ZC3H12B: variants seen among roughly 807,000 people sequenced by gnomAD.
The protein encoded by ZC3H12B is probable ribonuclease ZC3H12B.
ZC3H12B carries 7 observed loss-of-function variants against 43.9 expected under a neutral mutation model. The ratio of observed to expected loss-of-function variants is 0.16; its 90% confidence interval spans 0.09 to 0.30. ZC3H12B has a LOEUF of 0.30. Ranked by LOEUF, ZC3H12B falls within the 10% of genes least tolerant of loss-of-function variation. The pLI is 1.00. For missense variants in ZC3H12B, 475 were observed against 670.2 expected, an observed-to-expected ratio of 0.71 and a Z score of 3.22; for synonymous variants, 222 against 241.7, an observed-to-expected ratio of 0.92 and a Z score of 0.76.
intron 3 of ZC3H12B, among the ~76,000 whole-genome samples, chrX:65,467,663 C>T (rs1159576192): frequency 9.0e-6 from 1 of 111,644 alleles, no homozygotes; most frequent in Non-Finnish European, 1.9e-5. Flanking sequence ...TAAGGTGATA[C>T]CTTATTGTTA....
At chrX:65,326,078 C>T in the ZC3H12B span, among the ~76,000 whole-genome samples, 1 of 111,194 alleles carries the variant, frequency 9.0e-6, no homozygotes, top group Non-Finnish European at 1.9e-5. Flanking sequence ...AACATGAGAC[C>T]TGAAACTACA....
At chrX:65,383,052 C>T (rs937122666) in intron 2 of ZC3H12B, among the ~76,000 whole-genome samples, 4 of 111,168 alleles carry the variant, frequency 3.6e-5, no homozygotes, top group Non-Finnish European at 5.6e-5. Flanking sequence ...AGATTCAATG[C>T]CATCCCCATC....
intron 3 of ZC3H12B, among the ~76,000 whole-genome samples, chrX:65,448,993 G>GAAAGAAAGAAAGAA (rs1569412222): frequency 7.1e-4 from 22 of 30,793 alleles, no homozygotes; most frequent in East Asian, 2.0e-3. Flanking sequence ...AAGAAAGAAA[G>GAAAGAAAGAAAGAA]AGAGGAAAGA....
chrX:65,085,968 G>T, the ZC3H12B span, among the ~76,000 whole-genome samples: 1 of 109,260 alleles, frequency 9.2e-6, no homozygotes, highest in Non-Finnish European at 1.9e-5. Context: ...AAGTAACAAT[G>T]ATATCAGATA....
At chrX:65,182,224 G>T in the ZC3H12B span, among the ~76,000 whole-genome samples, 1 of 110,963 alleles carries the variant, frequency 9.0e-6, no homozygotes, top group South Asian at 3.8e-4. Flanking sequence ...GACACAGGGA[G>T]GGAAACATCA....
At chrX:65,300,970 TCAAA>T in the ZC3H12B span, among the ~76,000 whole-genome samples, 2 of 100,661 alleles carry the variant, frequency 2.0e-5, no homozygotes, top group Non-Finnish European at 4.1e-5. Flanking sequence ...TACAAGAAAC[TCAAA>T]CAAATCAGCA....
At chrX:65,138,238 C>G in the ZC3H12B span, among the ~76,000 whole-genome samples, 47 of 111,899 alleles carry the variant, frequency 4.2e-4, no homozygotes, top group Non-Finnish European at 8.1e-4. Context: ...TCTTCACTCC[C>G]TTTCCCCTCC....
chrX:65,184,347 G>A, the ZC3H12B span, among the ~76,000 whole-genome samples: 10 of 111,068 alleles, frequency 9.0e-5, no homozygotes, highest in Non-Finnish European at 1.7e-4. Flanking sequence ...ATTTTACAGA[G>A]TCCTTTTGAA....
the ZC3H12B span, among the ~76,000 whole-genome samples, chrX:65,114,025 A>ATATATATATATT: frequency 1.2e-5 from 1 of 80,114 alleles, no homozygotes; most frequent in Non-Finnish European, 2.4e-5. Flanking sequence ...ATATATATAT[A>ATATATATATATT]TTCATCTTTA....
chrX:65,493,811 C>T (rs972896786), intron 1 of ZC3H12B, among the ~76,000 whole-genome samples: 8 of 111,394 alleles, frequency 7.2e-5, no homozygotes, highest in Admixed American at 3.8e-4. Context: ...TGCAAAAGGA[C>T]ATTGTATGTG....
upstream of ZC3H12B, among the ~76,000 whole-genome samples, chrX:65,486,172 T>C: frequency 8.9e-6 from 1 of 112,531 alleles, no homozygotes; most frequent in East Asian, 2.8e-4. Flanking sequence ...TGACCAATCA[T>C]ATACCCAGGT....
chrX:65,242,994 C>T, the ZC3H12B span, among the ~76,000 whole-genome samples: 1 of 112,051 alleles, frequency 8.9e-6, no homozygotes, highest in Non-Finnish European at 1.9e-5. Flanking sequence ...GGATAAAAGA[C>T]TTAAATGTAA....
At chrX:65,318,377 C>G in the ZC3H12B span, among the ~76,000 whole-genome samples, 3 of 106,844 alleles carry the variant, frequency 2.8e-5, no homozygotes, top group Admixed American at 2.0e-4. Context: ...CTTCTTCCTT[C>G]TTTTTCCTTC....
intron 2 of ZC3H12B, among the ~76,000 whole-genome samples, chrX:65,380,565 C>T (rs1007378779): frequency 9.0e-6 from 1 of 111,283 alleles, no homozygotes; most frequent in Non-Finnish European, 1.9e-5. Flanking sequence ...AGAAAAATAA[C>T]CAGGTAACAT....
At chrX:65,175,902 G>A in the ZC3H12B span, among the ~76,000 whole-genome samples, 3 of 112,377 alleles carry the variant, frequency 2.7e-5, no homozygotes, top group East Asian at 8.4e-4. Context: ...CACAGACCAG[G>A]AGATTCCCAC....
At chrX:65,468,650 A>ATTTT (rs60716703) in intron 3 of ZC3H12B, among the ~76,000 whole-genome samples, 8 of 74,892 alleles carry the variant, frequency 1.1e-4, no homozygotes, top group African/African-American at 4.2e-4. Context: ...TGCCCGGCTA[A>ATTTT]TTTTTTTTTT....
intron 3 of ZC3H12B, among the ~76,000 whole-genome samples, chrX:65,462,004 A>T (rs762913062): frequency 9.1e-6 from 1 of 110,472 alleles, no homozygotes; most frequent in African/African-American, 3.3e-5. Context: ...TAAATAAATA[A>T]AATATAAAAA....
At chrX:65,068,849 C>A in the ZC3H12B span, among the ~76,000 whole-genome samples, 3 of 109,341 alleles carry the variant, frequency 2.7e-5, no homozygotes, top group Non-Finnish European at 3.8e-5. Context: ...CTGGGAAAGT[C>A]TTTTTTTCTC....
At chrX:65,199,901 C>T in the ZC3H12B span, among the ~76,000 whole-genome samples, 1 of 109,903 alleles carries the variant, frequency 9.1e-6, no homozygotes, top group Non-Finnish European at 1.9e-5. Context: ...AATAGTGCTG[C>T]AATGAACATA....
Sources: gnomAD v4.1 joint callset for allele counts (sites outside exome capture counted in the v4.1 genomes callset) on GRCh38, gnomAD v4.1.1 for gene constraint, MANE v1.5 for transcripts, NCBI Gene and HGNC (gene_info 2026-07-23, HGNC 2026-07-21) for gene names.